MELK: variants seen among roughly 807,000 people sequenced by gnomAD.
MELK encodes the protein pEg3 kinase.
In MELK, 81 loss-of-function variants were observed where a neutral mutation model predicts 85.0. The observed-to-expected ratio is 0.95, with a 90% CI of 0.80 to 1.15. MELK has a LOEUF of 1.15. Ranked by LOEUF, MELK falls within the 50% of genes most tolerant of loss-of-function variation. The pLI is 0.00. For synonymous variants in MELK, 252 were observed against 265.0 expected (o/e 0.95, Z 0.48); for missense variants, 754 against 777.5 (o/e 0.97, Z 0.36).
intron 14 of MELK, among the ~76,000 whole-genome samples, chr9:36,666,442 TA>T (rs547478040): frequency 4.0e-4 from 61 of 152,290 alleles, no homozygotes; most frequent in Non-Finnish European, 7.2e-4. Context: ...TAGTACATAA[TA>T]GGGGCCATAT....
intron 11 of MELK, among the ~76,000 whole-genome samples, chr9:36,645,844 C>T (rs1267413291): frequency 6.6e-6 from 1 of 152,158 alleles, no homozygotes; most frequent in Non-Finnish European, 1.5e-5. Context: ...GCAGCAGCAG[C>T]ATCCAGGTGC....
chr9:36,674,934 A>C lies in MELK; in HGVS notation c.1775A>C (p.Lys592Thr). Residue 592 changes from lysine to threonine, a missense_variant, in exon 17 of 18, where the codon AAG becomes ACG. Lys to Thr is a moderately conservative substitution (Grantham distance 78). Transcript: ENST00000298048. ...AAGAAGCATGTTGACTTTGTACAAA[A>C]GGGGTAAGAAGCACATTTACAAGCT... Reference protein sequence around the residue: ...LPKKHVDFVQKGYTLKCQTQS... With the variant: ...LPKKHVDFVQTGYTLKCQTQS... 1.3e-6 allele frequency: 2 copies of C among 1,558,690 alleles called. No individual in the cohort carries two copies. Among genetic ancestry groups the C allele is most frequent in the South Asian group, 2.2e-5 (2 of 89,392 alleles).
In MELK at chr9:36,583,673, GA is replaced by G. The variant is rs1369213760; in HGVS notation, c.106del (p.Met36TrpfsTer2). ...KLACHILTGE[M>X]VAIKIMDKNT... ...TTGCCTGCCATATCCTTACTGGAGA[GA>G]TGGTAGCTATAAAAATCATGGATAA... On this transcript the variant is annotated frameshift_variant, in exon 3 of 18. Transcript: ENST00000298048. LOFTEE classifies it high-confidence loss of function. 2 of 1,612,850 alleles carry G rather than the reference GA, an allele frequency of 1.2e-6. No individual in the cohort carries two copies. The highest frequency in any genetic ancestry group is 2.7e-5 in the African/African-American group (2 of 74,890).
intron 16 of MELK, among the ~76,000 whole-genome samples, chr9:36,674,484 G>A (rs1362769488): frequency 6.6e-6 from 1 of 152,146 alleles, no homozygotes; most frequent in Non-Finnish European, 1.5e-5. Context: ...TACATTTCAG[G>A]ACTGTTAATG....
At chr9:36,665,329 C>T in intron 13 of MELK, 21 bp from the exon 14 acceptor site, 1 of 1,499,970 alleles carries the variant, frequency 6.7e-7, no homozygotes, top group Non-Finnish European at 9.2e-7. Flanking sequence ...TGTGCTTTAT[C>T]TAGTAACTTT....
chr9:36,639,383 T>A (rs1394851916), intron 10 of MELK, among the ~76,000 whole-genome samples: 1 of 152,240 alleles, frequency 6.6e-6, no homozygotes, highest in Non-Finnish European at 1.5e-5. Flanking sequence ...TTAAAAAAAA[T>A]TCAGATTTCC....
At chr9:36,583,796 A>T in intron 3 of MELK, 84 bp downstream of exon 3, 1 of 914,004 alleles carries the variant, frequency 1.1e-6, no homozygotes, top group South Asian at 1.6e-5. Flanking sequence ...TGTTCTAGTT[A>T]CTGCTCTTAG....
chr9:36,639,978 A>G (rs893040137), intron 10 of MELK, among the ~76,000 whole-genome samples: 1 of 152,206 alleles, frequency 6.6e-6, no homozygotes, highest in Non-Finnish European at 1.5e-5. Context: ...TCTGAGGTTG[A>G]GACCATCTTG....
chr9:36,637,568 A>G (rs1829339675), intron 10 of MELK, among the ~76,000 whole-genome samples: 1 of 152,216 alleles, frequency 6.6e-6, no homozygotes, highest in Non-Finnish European at 1.5e-5. Flanking sequence ...ATATTCTCTG[A>G]TATGTCACCA....
intron 3 of MELK, among the ~76,000 whole-genome samples, chr9:36,584,730 T>G (rs1274475818): frequency 6.7e-6 from 1 of 149,894 alleles, no homozygotes; most frequent in East Asian, 1.9e-4. Context: ...TTTTTTTTTT[T>G]TTTTTTTGAG....
chr9:36,631,832 CTG>C (rs1034593234), intron 9 of MELK, among the ~76,000 whole-genome samples: 9 of 151,162 alleles, frequency 6.0e-5, no homozygotes, highest in African/African-American at 2.2e-4. Flanking sequence ...TTTCAGCAAA[CTG>C]TATTTTTTGT....
Position 36,589,563 on chromosome 9 carries a change from A to T in MELK, c.172A>T (p.Ile58Phe). Residue 58 changes from isoleucine (I) to phenylalanine (F), a missense_variant, in exon 4 of 18, where the codon ATT (isoleucine) becomes TTT (phenylalanine). Ile to Phe is a conservative substitution (Grantham distance 21, BLOSUM62 0). Coordinates refer to ENST00000298048, the MANE Select transcript of MELK (RefSeq NM_014791.4). Reference sequence around the variant, plus strand: ...TGATTTGCCCCGGATCAAAACGGAGATTGAGGCCTTGAAGAACCTGAGACA... The same window carrying T: ...TGATTTGCCCCGGATCAAAACGGAGTTTGAGGCCTTGAAGAACCTGAGACA... ...GSDLPRIKTEIEALKNLRHQH... is the reference protein window; with the variant it reads ...GSDLPRIKTEFEALKNLRHQH... The T allele has an allele frequency of 6.2e-7, 1 of 1,614,004 alleles. No individual in the cohort carries two copies. Among genetic ancestry groups the T allele is most frequent in the Non-Finnish European group, 8.5e-7 (1 of 1,179,942 alleles).
At chr9:36,586,835 A>G in intron 3 of MELK, among the ~76,000 whole-genome samples, 1 of 152,148 alleles carries the variant, frequency 6.6e-6, no homozygotes, top group Non-Finnish European at 1.5e-5. Context: ...TTTTAATAAT[A>G]TTTTGATTAC....
intron 1 of MELK, among the ~76,000 whole-genome samples, chr9:36,580,445 A>G (rs1345354518): frequency 4.0e-5 from 6 of 151,634 alleles, no homozygotes; most frequent in Admixed American, 3.3e-4. Flanking sequence ...TCACCCTCCC[A>G]AGTAGCTGGG....
intron 11 of MELK, among the ~76,000 whole-genome samples, chr9:36,645,772 C>G (rs1830164804): frequency 1.3e-5 from 2 of 152,090 alleles, no homozygotes; most frequent in African/African-American, 2.4e-5. Context: ...GACTGTGGTA[C>G]GCAGCCAGAG....
intron 7 of MELK, among the ~76,000 whole-genome samples, chr9:36,601,971 T>C (rs1423541629): frequency 6.6e-6 from 1 of 152,248 alleles, no homozygotes; most frequent in Non-Finnish European, 1.5e-5. Flanking sequence ...CATTCATCCA[T>C]TGGTAGATAC....
At chr9:36,596,572 G>T (rs28667383) in intron 5 of MELK, among the ~76,000 whole-genome samples, 4,265 of 95,244 alleles carry the variant, frequency 0.045, 355 homozygotes, top group African/African-American at 0.18. Flanking sequence ...TGTTTTTTTT[G>T]TTTTTTTTGT....
At chr9:36,662,639 T>A (rs747753750) in intron 13 of MELK, among the ~76,000 whole-genome samples, 5 of 152,226 alleles carry the variant, frequency 3.3e-5, no homozygotes, top group Non-Finnish European at 4.4e-5. Context: ...TATTGATGTG[T>A]CCAGTGTATT....
chr9:36,613,201 G>A (rs1392753230), intron 8 of MELK, among the ~76,000 whole-genome samples: 1 of 152,212 alleles, frequency 6.6e-6, no homozygotes, highest in Non-Finnish European at 1.5e-5. Flanking sequence ...ACCTGAAATG[G>A]TTTTCTCCCG....
Sources: allele counts gnomAD v4.1 joint callset (sites outside exome capture counted in the v4.1 genomes callset), GRCh38; gene constraint gnomAD v4.1.1; transcripts MANE v1.5; gene names NCBI Gene and HGNC (gene_info 2026-07-23, HGNC 2026-07-21).